Variants in SLC24A2 observed in about 807,000 individuals in gnomAD.
SLC24A2 encodes solute carrier family 24 member 2, also known as sodium/potassium/calcium exchanger 2.
A neutral mutation model predicts 62.0 loss-of-function variants in SLC24A2; 36 were observed. That is an observed-to-expected ratio of 0.58 (90% CI 0.44 to 0.77). SLC24A2 has a LOEUF of 0.77. Among genes scored for constraint, SLC24A2 ranks in the 30% least tolerant of loss-of-function variants. SLC24A2 has a pLI of 0.00. For missense variants in SLC24A2, 846 were observed against 817.9 expected, an observed-to-expected ratio of 1.03 and a Z score of -0.42; for synonymous variants, 358 against 294.0, an observed-to-expected ratio of 1.22 and a Z score of -2.23.
intron 2 of SLC24A2, among the ~76,000 whole-genome samples, chr9:19,669,367 C>T (rs924435968): frequency 3.9e-5 from 6 of 152,156 alleles, no homozygotes; most frequent in African/African-American, 7.2e-5. Context: ...GCAATACTAA[C>T]GGCCCTAAAA....
At chr9:20,230,433 G>C in the SLC24A2 span, among the ~76,000 whole-genome samples, 4 of 152,180 alleles carry the variant, frequency 2.6e-5, no homozygotes, top group African/African-American at 7.2e-5. Context: ...ATTCTGACTG[G>C]TGTGACATGG....
At chr9:19,752,244 G>C (rs910923768) in intron 2 of SLC24A2, among the ~76,000 whole-genome samples, 2 of 152,036 alleles carry the variant, frequency 1.3e-5, no homozygotes, top group African/African-American at 4.8e-5. Flanking sequence ...TTTCTTGGTA[G>C]ATAGAAATAT....
At chr9:19,853,680 C>CTT in the SLC24A2 span, among the ~76,000 whole-genome samples, 1 of 152,054 alleles carries the variant, frequency 6.6e-6, no homozygotes, top group African/African-American at 2.4e-5. Context: ...GGTGGATAAG[C>CTT]TTTTTTTATG....
chr9:19,706,423 A>G (rs1180917643), intron 2 of SLC24A2, among the ~76,000 whole-genome samples: 10 of 136,046 alleles, frequency 7.4e-5, no homozygotes, highest in Admixed American at 3.3e-4. Context: ...TCTGTCGCCC[A>G]TGCTGGAGTG....
chr9:20,193,203 C>T, the SLC24A2 span, among the ~76,000 whole-genome samples: 1 of 151,956 alleles, frequency 6.6e-6, no homozygotes, highest in African/African-American at 2.4e-5. Context: ...ATGCATATAC[C>T]AATTAAGGTG....
At chr9:20,054,004 G>A in the SLC24A2 span, among the ~76,000 whole-genome samples, 102 of 152,218 alleles carry the variant, frequency 6.7e-4, 1 homozygote, top group East Asian at 0.018. Flanking sequence ...TGTCCTGAAT[G>A]GAATCCCCAG....
chr9:19,725,375 C>A (rs1352095108), intron 2 of SLC24A2, among the ~76,000 whole-genome samples: 1 of 152,156 alleles, frequency 6.6e-6, no homozygotes, highest in Non-Finnish European at 1.5e-5. Context: ...GAATGCCAAT[C>A]CAAATGTGCC....
At chr9:20,091,422 A>G in the SLC24A2 span, among the ~76,000 whole-genome samples, 2 of 152,268 alleles carry the variant, frequency 1.3e-5, no homozygotes, top group Non-Finnish European at 2.9e-5. Flanking sequence ...CCAAGGCCAG[A>G]ATGAAAGAAT....
chr9:19,559,868 C>G (rs1486001250), intron 7 of SLC24A2, among the ~76,000 whole-genome samples: 1 of 152,116 alleles, frequency 6.6e-6, no homozygotes, highest in Non-Finnish European at 1.5e-5. Flanking sequence ...TGTCAATGGA[C>G]TACAAAAATA....
chr9:20,260,075 C>A, the SLC24A2 span, among the ~76,000 whole-genome samples: 6 of 152,084 alleles, frequency 3.9e-5, no homozygotes, highest in Non-Finnish European at 7.4e-5. Flanking sequence ...AGAGTGAGAC[C>A]CTGTCTCAAA....
intron 4 of SLC24A2, among the ~76,000 whole-genome samples, chr9:19,614,418 C>T (rs1485383117): frequency 6.6e-6 from 1 of 152,176 alleles, no homozygotes; most frequent in African/African-American, 2.4e-5. Flanking sequence ...AACTTTGTCC[C>T]CCCTACATAA....
chr9:20,239,258 A>C, the SLC24A2 span, among the ~76,000 whole-genome samples: 2 of 152,246 alleles, frequency 1.3e-5, no homozygotes, highest in African/African-American at 2.4e-5. Context: ...AATCACAAAA[A>C]AATTTTTAAG....
intron 2 of SLC24A2, among the ~76,000 whole-genome samples, chr9:19,655,495 G>A (rs1418617014): frequency 6.6e-6 from 1 of 152,216 alleles, no homozygotes; most frequent in African/African-American, 2.4e-5. Flanking sequence ...TATTTCCTAA[G>A]CAGGGAAGGG....
chr9:20,283,365 G>A, the SLC24A2 span, among the ~76,000 whole-genome samples: 730 of 152,274 alleles, frequency 4.8e-3, 8 homozygotes, highest in African/African-American at 0.015. Flanking sequence ...CATGGGGGTT[G>A]GAGGGAGGAA....
the SLC24A2 span, among the ~76,000 whole-genome samples, chr9:19,993,102 C>T: frequency 6.6e-6 from 1 of 152,116 alleles, no homozygotes; most frequent in East Asian, 1.9e-4. Flanking sequence ...TCATAATTGA[C>T]CCTATTTAGT....
the SLC24A2 span, among the ~76,000 whole-genome samples, chr9:20,295,409 G>T: frequency 1.3e-5 from 2 of 152,156 alleles, no homozygotes; most frequent in Non-Finnish European, 2.9e-5. Context: ...AGTGGACAAG[G>T]AGTGGATTTG....
At chr9:19,580,536 G>C (rs889266075) in intron 5 of SLC24A2, among the ~76,000 whole-genome samples, 5 of 152,212 alleles carry the variant, frequency 3.3e-5, no homozygotes, top group African/African-American at 1.2e-4. Flanking sequence ...GAGAACCTGT[G>C]ATTTTTGAAG....
the SLC24A2 span, among the ~76,000 whole-genome samples, chr9:20,106,650 C>A: frequency 4.6e-5 from 7 of 151,942 alleles, no homozygotes; most frequent in East Asian, 1.9e-4. Flanking sequence ...ATTCAACAAC[C>A]CTTCATGCTA....
intron 7 of SLC24A2, among the ~76,000 whole-genome samples, chr9:19,558,630 T>C (rs927597258): frequency 2.6e-5 from 4 of 152,180 alleles, no homozygotes; most frequent in African/African-American, 7.2e-5. Flanking sequence ...GGGCTAACTT[T>C]AGCAAGAACT....
Sources: gnomAD v4.1 joint callset for allele counts (sites outside exome capture counted in the v4.1 genomes callset) on GRCh38, gnomAD v4.1.1 for gene constraint, MANE v1.5 for transcripts, NCBI Gene and HGNC (gene_info 2026-07-23, HGNC 2026-07-21) for gene names.